PGS1: variants seen among roughly 807,000 people sequenced by gnomAD.
The protein encoded by PGS1 is CDP-diacylglycerol--glycerol-3-phosphate 3-phosphatidyltransferase, mitochondrial.
In PGS1, 44 loss-of-function variants were observed where a neutral mutation model predicts 58.3. That is an observed-to-expected ratio of 0.75 (90% CI 0.59 to 0.97). PGS1 has a LOEUF of 0.97. Among genes scored for constraint, PGS1 ranks in the 50% least tolerant of loss-of-function variants. The pLI is 0.00. For synonymous variants in PGS1, 330 were observed against 311.0 expected (o/e 1.06, Z -0.64); for missense variants, 684 against 731.1 (o/e 0.94, Z 0.74).
At chr17:78,384,226 A>G (rs573842042) in intron 1 of PGS1, among the ~76,000 whole-genome samples, 1 of 152,158 alleles carries the variant, frequency 6.6e-6, no homozygotes, top group East Asian at 1.9e-4. Context: ...CGGACTTGTT[A>G]TGGGAGTTCA....
intron 2 of PGS1, among the ~76,000 whole-genome samples, chr17:78,395,639 G>T (rs370374513): frequency 4.5e-4 from 68 of 152,260 alleles, no homozygotes; most frequent in African/African-American, 1.5e-3. Context: ...TCATCTTGGG[G>T]CACTGATGTG....
chr17:78,401,052 A>G (rs12602206), intron 6 of PGS1, among the ~76,000 whole-genome samples, 197 bp downstream of exon 6: 93,047 of 151,608 alleles, frequency 0.61, 28,619 homozygotes, highest in Admixed American at 0.65. Flanking sequence ...GAGCCAGCCC[A>G]GAAAGGTGGG....
In PGS1 at chr17:78,404,051, A is replaced by G; in HGVS notation, c.1364A>G (p.Gln455Arg). ...GGACAGCAGGAGCGGGTCCAGCTTC[A>G]GGAGTACTGGCGGAGGGGCTGGACG... ...SLGQQERVQL[Q>R]EYWRRGWTFH... Residue 455 changes from glutamine to arginine, a missense_variant, in exon 7 of 10, where the codon CAG (glutamine) becomes CGG (arginine). Physicochemically the swap from Gln to Arg is conservative, Grantham distance 43. Coordinates refer to ENST00000262764, the MANE Select transcript of PGS1 (RefSeq NM_024419.5). The G allele has an allele frequency of 1.2e-6, 2 of 1,604,950 alleles. No homozygotes were observed. The highest frequency in any genetic ancestry group is 1.7e-6 in the Non-Finnish European group (2 of 1,174,702).
At chr17:78,420,375 A>G (rs377711247) in intron 9 of PGS1, 1 of 286,472 alleles carries the variant, frequency 3.5e-6, no homozygotes, top group South Asian at 1.3e-4. Flanking sequence ...GGTGGCTGCC[A>G]TTAAAGGTGG....
chr17:78,389,310 T>A (rs1029720019), intron 1 of PGS1, among the ~76,000 whole-genome samples: 8 of 151,446 alleles, frequency 5.3e-5, no homozygotes, highest in Non-Finnish European at 1.2e-4. Flanking sequence ...CTCAGCCTCC[T>A]GAGTAGCTGG....
At chr17:78,389,053 C>CTTTTTTTTTTTTTT (rs5822252) in intron 1 of PGS1, among the ~76,000 whole-genome samples, 3 of 96,002 alleles carry the variant, frequency 3.1e-5, no homozygotes, top group Non-Finnish European at 5.7e-5. Flanking sequence ...CCTCTTCTTC[C>CTTTTTTTTTTTTTT]TTTTTTTTTT....
intron 9 of PGS1, chr17:78,421,549 G>GCACAT (rs2085745592): frequency 6.6e-6 from 1 of 152,446 alleles, no homozygotes; most frequent in South Asian, 2.1e-4. Flanking sequence ...CTGGACAGCA[G>GCACAT]CACATCACAT....
At chr17:78,415,821 TC>T (rs2085135130) in intron 8 of PGS1, among the ~76,000 whole-genome samples, 2 of 152,234 alleles carry the variant, frequency 1.3e-5, no homozygotes, top group South Asian at 2.1e-4. Context: ...GTCTGAGACC[TC>T]GATGGTGCCT....
intron 9 of PGS1, 189 bp downstream of exon 9, chr17:78,419,864 T>G: frequency 7.4e-7 from 1 of 1,348,544 alleles, no homozygotes; most frequent in Non-Finnish European, 9.6e-7. Flanking sequence ...AATTAGGCAG[T>G]CTGTTCACTT....
chr17:78,422,939 T>TA (rs898851659), intron 9 of PGS1, among the ~76,000 whole-genome samples: 3 of 151,754 alleles, frequency 2.0e-5, no homozygotes, highest in East Asian at 3.9e-4. Flanking sequence ...CTACTAAAAA[T>TA]AAAAAAATTA....
chr17:78,397,341 C>T (rs889081401), intron 3 of PGS1, among the ~76,000 whole-genome samples: 4 of 152,300 alleles, frequency 2.6e-5, no homozygotes, highest in East Asian at 3.9e-4. Context: ...TGTCCTTGTT[C>T]AGAGTTACTG....
chr17:78,414,396 C>G (rs2084991930), intron 7 of PGS1, among the ~76,000 whole-genome samples: 1 of 152,212 alleles, frequency 6.6e-6, no homozygotes, highest in Admixed American at 6.5e-5. Context: ...TGAGCTGATT[C>G]TCAGTGCTCA....
At chr17:78,399,205 C>G (rs2083465402) in intron 4 of PGS1, 143 bp from the exon 5 acceptor site, 1 of 648,656 alleles carries the variant, frequency 1.5e-6, no homozygotes, top group Non-Finnish European at 2.7e-6. Flanking sequence ...TGGAAGTCCT[C>G]TGGCTAGGAG....
intron 8 of PGS1, among the ~76,000 whole-genome samples, chr17:78,415,229 C>T (rs140319037): frequency 2.2e-3 from 331 of 152,318 alleles, no homozygotes; most frequent in African/African-American, 6.5e-3. Flanking sequence ...ACTTCCCAGA[C>T]GCGTTGCACC....
chr17:78,388,458 C>G (rs529284120), intron 1 of PGS1, among the ~76,000 whole-genome samples: 1 of 152,108 alleles, frequency 6.6e-6, no homozygotes, highest in Non-Finnish European at 1.5e-5. Context: ...CTCAATCTCC[C>G]GAGTAGCTGG....
chr17:78,398,536 A>G (rs573076988), intron 4 of PGS1, among the ~76,000 whole-genome samples, 185 bp downstream of exon 4: 2 of 152,332 alleles, frequency 1.3e-5, no homozygotes, highest in East Asian at 1.9e-4. Flanking sequence ...TGAAAGCCCA[A>G]CTAAAAACAG....
At chr17:78,399,297 A>G in intron 4 of PGS1, 51 bp from the exon 5 acceptor site, 4 of 1,461,584 alleles carry the variant, frequency 2.7e-6, no homozygotes, top group Admixed American at 1.7e-5. Context: ...CATTGGGGGC[A>G]GGACGCCTTC....
chr17:78,424,457 TA>T lies in PGS1; in HGVS notation c.*409del, dbSNP rs2086318158. The T allele has an allele frequency of 5.7e-6, 2 of 349,070 alleles. No homozygotes were observed. Among genetic ancestry groups the T allele is most frequent in the African/African-American group, 4.1e-5 (2 of 49,278 alleles). 21.6% of individuals were successfully genotyped at this position (349,070 alleles called of 1,614,324 possible). ...CCTTAATGTCAGTGGCAGGAAGTCA[TA>T]ACTCCAGCTAAAAATTACAGAGTAA... On this transcript the variant is annotated 3_prime_UTR_variant, in exon 10 of 10. Coordinates refer to ENST00000262764, the MANE Select transcript of PGS1 (RefSeq NM_024419.5).
chr17:78,424,051 C>A lies in PGS1; in HGVS notation c.*11-10C>A. On this transcript the variant is annotated splice_polypyrimidine_tract_variant and intron_variant, in intron 9 of 9. Coordinates refer to ENST00000262764, the MANE Select transcript of PGS1 (RefSeq NM_024419.5). The stretch of plus-strand genomic sequence containing the variant: ...CTCATAGATGTTCTTGGTCTCCATG[C>A]GGTCCACAGGAATGGCCTTGATGAA... The A allele has an allele frequency of 1.9e-6, 3 of 1,614,022 alleles. No individual in the cohort carries two copies. The highest frequency in any genetic ancestry group is 1.7e-6 in the Non-Finnish European group (2 of 1,179,902).
Sources: gnomAD v4.1 joint callset for allele counts (sites outside exome capture counted in the v4.1 genomes callset) on GRCh38, gnomAD v4.1.1 for gene constraint, MANE v1.5 for transcripts, NCBI Gene and HGNC (gene_info 2026-07-23, HGNC 2026-07-21) for gene names.